Variants in PCSK5 observed in about 807,000 individuals in gnomAD.
The protein encoded by PCSK5 is prohormone convertase 5.
Under a neutral mutation model 233.2 loss-of-function variants are expected in PCSK5, and 129 were observed. That is an observed-to-expected ratio of 0.55 (90% CI 0.48 to 0.64). The LOEUF (loss-of-function observed/expected upper bound fraction) is 0.64, where lower values mean the gene tolerates loss of function less well. Ranked by LOEUF, PCSK5 falls within the 30% of genes least tolerant of loss-of-function variation. The probability of loss-of-function intolerance (pLI) is 0.00; values close to 1 mark genes in which losing one functional copy is unlikely to be tolerated. For missense variants in PCSK5, 2,076 were observed against 2,430.1 expected (o/e 0.85, Z 3.06); for synonymous variants, 825 against 879.2 (o/e 0.94, Z 1.09).
At position 76,239,084 on chromosome 9, in the gene PCSK5, G is replaced by A. The variant is rs114266983; in HGVS notation, c.2992G>A (p.Val998Met). The A allele has an allele frequency of 3.7e-5, 60 of 1,609,326 alleles. No homozygotes were observed. The highest frequency in any genetic ancestry group is 1.7e-4 in the Middle Eastern group (1 of 6,054). Reference protein sequence around the residue: ...CPDNCELCHSVHVCTRCMKGY... With the variant: ...CPDNCELCHSMHVCTRCMKGY... The stretch of plus-strand genomic sequence containing the variant: ...AGACAACTGTGAGCTTTGCCACAGC[G>A]TGCATGTCTGCACAAGATGCATGAA... Residue 998 changes from valine (V) to methionine (M), a missense_variant, in exon 23 of 38, where the codon GTG (valine) becomes ATG (methionine). This residue lies in a region of PCSK5 where 1,510 missense variants were observed against 1,538.1 expected (regional missense o/e 0.98). Coordinates refer to ENST00000674117, the MANE Select transcript of PCSK5 (RefSeq NM_001372043.1).
chr9:75,908,941 G>GTCTATCTATCTATCTATCTA (rs58082978), intron 1 of PCSK5, among the ~76,000 whole-genome samples: 5 of 116,548 alleles, frequency 4.3e-5, no homozygotes, highest in East Asian at 2.7e-4. Flanking sequence ...CTCTCTCTCT[G>GTCTATCTATCTATCTATCTA]TCTATCTATC....
At chr9:76,235,142 G>T (rs931744205) in intron 22 of PCSK5, among the ~76,000 whole-genome samples, 4 of 152,170 alleles carry the variant, frequency 2.6e-5, no homozygotes, top group Non-Finnish European at 5.9e-5. Context: ...TATATGGAAG[G>T]TTCATAATAA....
intron 1 of PCSK5, among the ~76,000 whole-genome samples, chr9:75,915,770 T>A (rs527471982): frequency 6.1e-4 from 93 of 152,352 alleles, no homozygotes; most frequent in African/African-American, 2.2e-3. Context: ...TAAGTATAAG[T>A]CTTGAGTAAC....
intron 3 of PCSK5, among the ~76,000 whole-genome samples, chr9:76,006,537 A>G (rs1324078694): frequency 2.0e-5 from 3 of 152,040 alleles, no homozygotes; most frequent in African/African-American, 4.8e-5. Flanking sequence ...CTATGGAACA[A>G]TTCATTAGCT....
intron 17 of PCSK5, 78 bp downstream of exon 17, chr9:76,184,835 C>A: frequency 1.2e-6 from 1 of 863,946 alleles, no homozygotes; most frequent in African/African-American, 1.7e-5. Context: ...AAATGATAAA[C>A]AAGTAAATAA....
chr9:76,105,465 ATATATGGT>A (rs1216548604), intron 8 of PCSK5, among the ~76,000 whole-genome samples: 11 of 152,260 alleles, frequency 7.2e-5, no homozygotes, highest in African/African-American at 2.7e-4. Context: ...AAGCTTGTAC[ATATATGGT>A]TAGCAACATT....
chr9:75,962,235 G>A (rs560654554), intron 2 of PCSK5, among the ~76,000 whole-genome samples: 62 of 152,268 alleles, frequency 4.1e-4, no homozygotes, highest in Non-Finnish European at 7.4e-4. Context: ...AGAAGAGGAG[G>A]CCTTTGATGT....
rs1563988570 is a variant in PCSK5 at position 76,040,369 on chromosome 9, CTCTCTCTCTCTCTCTG to C, written c.632+13348_632+13363del. Among the ~76,000 whole-genome samples, 32 of 51,438 alleles carry C rather than the reference CTCTCTCTCTCTCTCTG, an allele frequency of 6.2e-4. 1 individual carries two copies. The highest frequency in any genetic ancestry group is 2.8e-3 in the South Asian group (3 of 1,054). 33.7% of individuals were successfully genotyped at this position (51,438 alleles called of 152,430 possible). A position where few individuals can be genotyped will look rare whatever the true frequency, so the allele number is the denominator to read the frequency against. ...TCTCTCTCTCTCTCTCTCTCTCTCT[CTCTCTCTCTCTCTCTG>C]TCTCTCTCTCTCTCTCTCTCTCTCT... On this transcript the variant is annotated intron_variant, in intron 5 of 37. Transcript: ENST00000674117.
chr9:76,169,343 C>A lies in PCSK5; in HGVS notation c.1620-361C>A, dbSNP rs74465528. On this transcript the variant is annotated intron_variant, in intron 12 of 37. Coordinates refer to ENST00000674117, the MANE Select transcript of PCSK5 (RefSeq NM_001372043.1). ...ACTGTCAAACTGTTTTCCAGAGCCT[C>A]GTATCATTTTGCACTCCTATCAGCA... Among the ~76,000 whole-genome samples the A allele has an allele frequency of 5.9e-5, 9 of 152,146 alleles. No individual in the cohort carries two copies. In the East Asian group the frequency reaches 1.2e-3, roughly 20 times the overall value.
At chr9:76,257,838 CTT>C (rs1336201242) in intron 24 of PCSK5, among the ~76,000 whole-genome samples, 1 of 152,092 alleles carries the variant, frequency 6.6e-6, no homozygotes, top group Non-Finnish European at 1.5e-5. Context: ...TCAATCAAAA[CTT>C]TTTTCCTCGC....
At chr9:75,918,958 TA>T (rs531407687) in intron 1 of PCSK5, among the ~76,000 whole-genome samples, 6 of 152,114 alleles carry the variant, frequency 3.9e-5, no homozygotes, top group South Asian at 2.1e-4. Context: ...TCTGTAGAGT[TA>T]AAAAAAATCA....
At chr9:76,252,222 C>T (rs757637418) in intron 24 of PCSK5, among the ~76,000 whole-genome samples, 10 of 151,988 alleles carry the variant, frequency 6.6e-5, no homozygotes, top group Non-Finnish European at 1.5e-4. Context: ...GAGCCGCGAT[C>T]GCGTGCCCCT....
chr9:76,207,336 C>T (rs568529342), intron 20 of PCSK5, among the ~76,000 whole-genome samples: 1 of 152,292 alleles, frequency 6.6e-6, no homozygotes, highest in South Asian at 2.1e-4. Flanking sequence ...TCTGAGCCAC[C>T]ATTTTTACTT....
intron 9 of PCSK5, among the ~76,000 whole-genome samples, chr9:76,112,680 G>A (rs776402933): frequency 2.6e-5 from 4 of 151,866 alleles, no homozygotes; most frequent in Non-Finnish European, 5.9e-5. Context: ...ATCATACTAG[G>A]CACTAAGTTA....
chr9:75,947,944 T>A (rs1824651617), intron 2 of PCSK5, among the ~76,000 whole-genome samples: 1 of 152,124 alleles, frequency 6.6e-6, no homozygotes, highest in Non-Finnish European at 1.5e-5. Flanking sequence ...TGGGCTCAAG[T>A]GATCTTCCCA....
chr9:75,918,511 A>G (rs1251530988), intron 1 of PCSK5, among the ~76,000 whole-genome samples: 1 of 152,214 alleles, frequency 6.6e-6, no homozygotes, highest in African/African-American at 2.4e-5. Context: ...CAAGACATTT[A>G]TATTAGGTGT....
intron 10 of PCSK5, among the ~76,000 whole-genome samples, chr9:76,142,977 G>T (rs1425639682): frequency 6.6e-6 from 1 of 151,982 alleles, no homozygotes; most frequent in Non-Finnish European, 1.5e-5. Flanking sequence ...AACAATAAAT[G>T]GCCTCAAAAG....
chr9:76,054,813 C>T (rs867807613), intron 5 of PCSK5, among the ~76,000 whole-genome samples: 54 of 152,206 alleles, frequency 3.5e-4, no homozygotes, highest in African/African-American at 1.3e-3. Context: ...ACAGGCCTTA[C>T]TCAGATTTCA....
At chr9:76,073,628 A>G (rs1830549127) in intron 7 of PCSK5, among the ~76,000 whole-genome samples, 1 of 152,194 alleles carries the variant, frequency 6.6e-6, no homozygotes, top group Non-Finnish European at 1.5e-5. Context: ...ATAAAATTAT[A>G]TGTATATGGC....
Sources: gnomAD v4.1 joint callset for allele counts (sites outside exome capture counted in the v4.1 genomes callset) on GRCh38, gnomAD v4.1.1 for gene constraint, gnomAD v4.1.1 regional missense constraint, MANE v1.5 for transcripts, NCBI Gene and HGNC (gene_info 2026-07-23, HGNC 2026-07-21) for gene names.